The following MYT1L variants were observed in gnomAD, a reference collection of about 807,000 sequenced individuals.
MYT1L encodes the protein myelin transcription factor 1-like protein.
A neutral mutation model predicts 126.7 loss-of-function variants in MYT1L; 12 were observed. That is an observed-to-expected ratio of 0.09 (90% confidence interval 0.06 to 0.15). The LOEUF (loss-of-function observed/expected upper bound fraction) is 0.15. MYT1L is among the 10% of genes least tolerant of loss of function. The pLI is 1.00. For synonymous variants in MYT1L, 541 were observed against 604.2 expected, an observed-to-expected ratio of 0.90 and a Z score of 1.53; for missense variants, 979 against 1,585.2, an observed-to-expected ratio of 0.62 and a Z score of 6.49.
intron 18 of MYT1L, among the ~76,000 whole-genome samples, chr2:1,862,059 T>G (rs2044754508): frequency 6.6e-6 from 1 of 151,970 alleles, no homozygotes; most frequent in African/African-American, 2.4e-5. Context: ...CCTCCCAAAT[T>G]CTGCCTCGTG....
intron 18 of MYT1L, chr2:1,884,089 G>A (rs1213690076): frequency 6.6e-6 from 1 of 152,208 alleles, no homozygotes; most frequent in African/African-American, 2.4e-5. Flanking sequence ...GATCAAGAAT[G>A]TCCTGTTAAA....
chr2:2,286,315 A>G (rs751276432), intron 1 of MYT1L, among the ~76,000 whole-genome samples: 10 of 152,164 alleles, frequency 6.6e-5, no homozygotes, highest in Non-Finnish European at 1.5e-4. Context: ...AGCATTGAGC[A>G]TTTGTGACAT....
Position 1,910,074 on chromosome 2 carries a change from C to A in MYT1L, c.1817+166G>T, listed in dbSNP as rs1215983522. Among the ~76,000 whole-genome samples the A allele has an allele frequency of 1.3e-5, 2 of 152,216 alleles. No homozygotes were observed. Among genetic ancestry groups the A allele is most frequent in the African/African-American group, 4.8e-5 (2 of 41,462 alleles). On this transcript the variant is annotated intron_variant, in intron 13 of 24. Transcript: ENST00000647738. This position sits in a 1 kb window ranked among gnomAD's most constrained non-coding sequence, Gnocchi z 4.8. ...GAATGACACCCTTGCCCTCACACAG[C>A]CTGGCCTGGAGTGAGGGGTCCTGGC...
chr2:1,923,035 C>T lies in MYT1L; in HGVS notation c.734G>A (p.Arg245Gln), dbSNP rs771189602. The T allele has an allele frequency of 7.4e-6, 12 of 1,613,882 alleles. No homozygotes were observed. The highest frequency in any genetic ancestry group is 5.3e-5 in the African/African-American group (4 of 74,916). The part of the protein sequence containing the change: ...DDSDKNENLG[R>Q]KSELSLDLDS... ...TAAGTCTAAACTCAACTCACTTTTC[C>T]GACCCAGGTTTTCGTTTTTGTCACT... The change falls in exon 10 of 25, where the codon CGG (arginine) becomes CAG (glutamine). Residue 245 changes from arginine to glutamine, a missense_variant. Arg to Gln is a conservative substitution (Grantham distance 43). Coordinates refer to ENST00000647738, the MANE Select transcript of MYT1L (RefSeq NM_001303052.2).
chr2:2,255,223 T>A (rs2094773776), intron 2 of MYT1L, among the ~76,000 whole-genome samples: 1 of 152,178 alleles, frequency 6.6e-6, no homozygotes, highest in Admixed American at 6.5e-5. Context: ...CAGCTCCCCG[T>A]CCTGACAGCC....
rs530364225 is a variant in MYT1L, at chr2:2,066,077, C to T, written c.-303-11954G>A. 3.3e-5 allele frequency among the ~76,000 whole-genome samples: 5 copies of T among 152,158 alleles called. No individual in the cohort carries two copies. The South Asian group carries it at 1.0e-3, about 32-fold the overall frequency. ...TAAATTTTATTCATTTAAAAAAGCCCAGCTCAAATACCTTCTTTCAATTTC... is the reference window on the plus strand; with the variant it reads ...TAAATTTTATTCATTTAAAAAAGCCTAGCTCAAATACCTTCTTTCAATTTC... On this transcript the variant is annotated intron_variant, in intron 3 of 24. Coordinates refer to ENST00000647738, the MANE Select transcript of MYT1L (RefSeq NM_001303052.2).
intron 2 of MYT1L, among the ~76,000 whole-genome samples, chr2:2,243,024 T>C (rs1474852701): frequency 6.6e-6 from 1 of 151,866 alleles, no homozygotes; most frequent in Non-Finnish European, 1.5e-5. Flanking sequence ...GCCCATGGAA[T>C]AGGAGGATGG....
intron 2 of MYT1L, among the ~76,000 whole-genome samples, chr2:2,276,624 A>G (rs1038554610): frequency 9.2e-5 from 14 of 152,094 alleles, no homozygotes; most frequent in African/African-American, 3.4e-4. Context: ...TGTCACATGC[A>G]ACGATGGTGT....
chr2:2,216,810 C>T (rs959117630), intron 2 of MYT1L, among the ~76,000 whole-genome samples: 4 of 151,594 alleles, frequency 2.6e-5, no homozygotes, highest in Admixed American at 6.6e-5. Flanking sequence ...AGAGAGAGAA[C>T]ACAATTACCA....
At chr2:2,080,672 AAAGAAAAGAAAAG>A (rs1449729157) in intron 3 of MYT1L, among the ~76,000 whole-genome samples, 1 of 152,184 alleles carries the variant, frequency 6.6e-6, no homozygotes, top group African/African-American at 2.4e-5. Flanking sequence ...CAAAAAAGGA[AAAGAAAAGAAAAG>A]AAGAAAAGAA....
intron 21 of MYT1L, among the ~76,000 whole-genome samples, chr2:1,823,762 G>T (rs1410754595): frequency 6.6e-6 from 1 of 152,250 alleles, no homozygotes; most frequent in South Asian, 2.1e-4. Flanking sequence ...GTCCCTGTAG[G>T]AAGATCCGTG....
chr2:2,132,129 G>A (rs1313268561), intron 3 of MYT1L, among the ~76,000 whole-genome samples: 2 of 150,798 alleles, frequency 1.3e-5, no homozygotes, highest in Non-Finnish European at 2.9e-5. Flanking sequence ...GGATGGTCTC[G>A]ATCTCCTGAT....
intron 3 of MYT1L, among the ~76,000 whole-genome samples, chr2:2,098,204 CA>C (rs1559002067): frequency 6.9e-6 from 1 of 144,600 alleles, no homozygotes; most frequent in Non-Finnish European, 1.5e-5. Flanking sequence ...CATACTGCAG[CA>C]CATTAACAGA....
chr2:1,831,211 T>C lies in MYT1L; in HGVS notation c.3080+7938A>G, dbSNP rs565109487. On this transcript the variant is annotated intron_variant, in intron 21 of 24. Transcript: ENST00000647738. The stretch of plus-strand genomic sequence containing the variant: ...GATGGAGCTCTGCTCCGAGGACCCC[T>C]GGCTCCCCCCAGATGGAGCTCTGCT... 4.7e-5 allele frequency among the ~76,000 whole-genome samples: 7 copies of C among 149,754 alleles called. No homozygotes were observed. The East Asian group carries it at 6.4e-4, about 14-fold the overall frequency.
At chr2:1,957,305 G>A (rs2058571700) in intron 8 of MYT1L, among the ~76,000 whole-genome samples, 1 of 152,108 alleles carries the variant, frequency 6.6e-6, no homozygotes, top group African/African-American at 2.4e-5. Context: ...GGGTATGAGT[G>A]GTTTTGGTTA....
chr2:1,956,512 T>TCTAC (rs2058446253), intron 8 of MYT1L, among the ~76,000 whole-genome samples: 1 of 89,328 alleles, frequency 1.1e-5, no homozygotes, highest in African/African-American at 4.4e-5. Context: ...TCCTATTCTA[T>TCTAC]CTATCTATCT....
chr2:2,153,455 G>A (rs2086161758), intron 3 of MYT1L, among the ~76,000 whole-genome samples: 1 of 152,198 alleles, frequency 6.6e-6, no homozygotes, highest in Non-Finnish European at 1.5e-5. Flanking sequence ...CACACACACA[G>A]GTGGTTGTTT....
intron 8 of MYT1L, among the ~76,000 whole-genome samples, chr2:1,970,355 C>T (rs1481784256): frequency 6.6e-6 from 1 of 152,202 alleles, no homozygotes; most frequent in Non-Finnish European, 1.5e-5. Flanking sequence ...ATTCCAGGCC[C>T]TCACTGTACC....
At chr2:1,888,385 C>T (rs2048411579) in intron 16 of MYT1L, among the ~76,000 whole-genome samples, 1 of 152,170 alleles carries the variant, frequency 6.6e-6, no homozygotes, top group South Asian at 2.1e-4. Context: ...TTTCACAATG[C>T]CTGGATATTG....
Sources: gnomAD v4.1 joint callset for allele counts (sites outside exome capture counted in the v4.1 genomes callset) on GRCh38, gnomAD v4.1.1 for gene constraint, Gnocchi (gnomAD v3.1) non-coding constraint, MANE v1.5 for transcripts, NCBI Gene and HGNC (gene_info 2026-07-23, HGNC 2026-07-21) for gene names.